NLRP13: variants seen among roughly 807,000 people sequenced by gnomAD.
NLRP13 encodes the protein NACHT, LRR and PYD domains-containing protein 13.
Under a neutral mutation model 94.4 loss-of-function variants are expected in NLRP13, and 82 were observed. That is an observed-to-expected ratio of 0.87 (90% CI 0.73 to 1.04). The LOEUF is 1.04. NLRP13 is among the 50% of genes least tolerant of loss of function. The pLI is 0.00. For synonymous variants in NLRP13, 553 were observed against 464.7 expected (o/e 1.19, Z -2.45); for missense variants, 1,426 against 1,230.8 (o/e 1.16, Z -2.37).
chr19:55,898,952 C>T lies in NLRP13; in HGVS notation c.2790-15G>A. 2 of 1,605,152 alleles carry T rather than the reference C, an allele frequency of 1.2e-6. No individual in the cohort carries two copies. The highest frequency in any genetic ancestry group is 1.7e-6 in the Non-Finnish European group (2 of 1,176,782). On this transcript the variant is annotated splice_polypyrimidine_tract_variant and intron_variant, in intron 9 of 10. Transcript: ENST00000342929. ...AACCTGACAAACTGCAAAATAAAAACATACAAAAGGGGGGAAAGTAATTGC... is the reference window on the plus strand; with the variant it reads ...AACCTGACAAACTGCAAAATAAAAATATACAAAAGGGGGGAAAGTAATTGC...
intron 7 of NLRP13, among the ~76,000 whole-genome samples, chr19:55,906,109 G>A (rs985076894): frequency 1.3e-5 from 2 of 152,084 alleles, no homozygotes; most frequent in Non-Finnish European, 2.9e-5. Context: ...AGGCCAAGGC[G>A]AGTGGATCAC....
chr19:55,911,319 C>T (rs1986502958), intron 5 of NLRP13, among the ~76,000 whole-genome samples: 1 of 152,138 alleles, frequency 6.6e-6, no homozygotes, highest in South Asian at 2.1e-4. Context: ...GCAACTTCTG[C>T]CTCCTTGGCT....
At position 55,932,151 on chromosome 19, in the gene NLRP13, C is replaced by T. The variant is rs779537140; in HGVS notation, c.161G>A (p.Arg54His). 1.5e-4 allele frequency: 245 copies of T among 1,614,026 alleles called. No individual in the cohort carries two copies. The highest frequency in any genetic ancestry group is 1.9e-4 in the Non-Finnish European group (224 of 1,180,028). Residue 54 changes from arginine to histidine, a missense_variant, in exon 1 of 11, where the codon CGT (arginine) becomes CAT (histidine). Coordinates refer to ENST00000342929, the MANE Select transcript of NLRP13 (RefSeq NM_176810.2). ...AGCTCTCAAGTTTGCCCAGGGGATA[C>T]GCGGGAAGTGCCCCTGGGGGGCCGA... ...FWSAPQGHFPRIPWANLRAAD... is the reference protein window; with the variant it reads ...FWSAPQGHFPHIPWANLRAAD...
At chr19:55,930,898 A>ATATATATATATAC in intron 1 of NLRP13, among the ~76,000 whole-genome samples, 1 of 104,898 alleles carries the variant, frequency 9.5e-6, no homozygotes, top group South Asian at 2.9e-4. Flanking sequence ...ATATATATAT[A>ATATATATATATAC]AAATTTTAAC....
chr19:55,913,245 G>A lies in NLRP13; in HGVS notation c.572C>T (p.Thr191Ile). 6.2e-7 allele frequency: 1 copy of A among 1,614,086 alleles called. No homozygotes were observed. ...RENMKAELLE[T>I]WDNISWPKDH... ...TTTAGGCCAACTGATGTTGTCCCAT[G>A]TCTCCAGTAGTTCAGCCTTCATGTT... Residue 191 changes from threonine to isoleucine, a missense_variant, in exon 5 of 11, where the codon ACA (threonine) becomes ATA (isoleucine). Coordinates refer to ENST00000342929, the MANE Select transcript of NLRP13 (RefSeq NM_176810.2).
chr19:55,913,331 A>G (rs181609778), intron 4 of NLRP13, 38 bp from the exon 5 acceptor site: 5 of 1,579,834 alleles, frequency 3.2e-6, no homozygotes, highest in Non-Finnish European at 2.6e-6. Flanking sequence ...TGGTAAGAAT[A>G]AATTTCAGAG....
chr19:55,923,235 A>T (rs770631294), intron 4 of NLRP13, among the ~76,000 whole-genome samples: 18 of 152,240 alleles, frequency 1.2e-4, no homozygotes, highest in Non-Finnish European at 2.5e-4. Flanking sequence ...CAGGAAAAAC[A>T]GAGAATCCCG....
At chr19:55,918,419 C>T (rs1349585488) in intron 4 of NLRP13, among the ~76,000 whole-genome samples, 1 of 151,536 alleles carries the variant, frequency 6.6e-6, no homozygotes, top group African/African-American at 2.4e-5. Flanking sequence ...AATAACAATA[C>T]AAAGAATCAG....
At chr19:55,931,719 A>AG (rs1199019446) in intron 1 of NLRP13, among the ~76,000 whole-genome samples, 3 of 132,150 alleles carry the variant, frequency 2.3e-5, no homozygotes, top group East Asian at 2.3e-4. Flanking sequence ...CAAAAAAAAA[A>AG]AAAAAAGAAA....
Position 55,911,799 on chromosome 19 carries a change from G to A in NLRP13, c.2018C>T (p.Ala673Val), listed in dbSNP as rs765902405. ...ACAGTGCTTTAGGCAAAATGAAGAA[G>A]CTTGGAGTTCTTCGTCCTCCAAAAT... ...LNILEDEELQ[A>V]SSFCLKHCKR... is the part of the protein sequence containing the mutation. Residue 673 changes from alanine to valine, a missense_variant, in exon 5 of 11, where the codon GCT becomes GTT. Transcript: ENST00000342929. The A allele has an allele frequency of 6.2e-7, 1 of 1,613,814 alleles. No homozygotes were observed.
intron 6 of NLRP13, among the ~76,000 whole-genome samples, chr19:55,909,540 G>GT (rs1555815127): frequency 7.5e-5 from 11 of 146,244 alleles, no homozygotes. Context: ...GGATCTCCAG[G>GT]AAAAAAAAAA....
intron 4 of NLRP13, among the ~76,000 whole-genome samples, chr19:55,915,772 T>G (rs1038043540): frequency 6.6e-6 from 1 of 151,956 alleles, no homozygotes; most frequent in Admixed American, 6.6e-5. Flanking sequence ...CCACCCAACT[T>G]CACTCCCACC....
chr19:55,914,249 G>A (rs1484499383), intron 4 of NLRP13, among the ~76,000 whole-genome samples: 3 of 152,156 alleles, frequency 2.0e-5, no homozygotes, highest in Admixed American at 6.5e-5. Context: ...ATTCTTAGAG[G>A]CCTTCTGGGG....
Position 55,911,769 on chromosome 19 carries a change from C to A in NLRP13, c.2048G>T (p.Arg683Met), listed in dbSNP as rs1461996464. The change falls in exon 5 of 11, where the codon AGG becomes ATG. Residue 683 changes from arginine (R) to methionine (M), a missense_variant. Coordinates refer to ENST00000342929, the MANE Select transcript of NLRP13 (RefSeq NM_176810.2). ...AACAGAAAGCCTTAGCTTATTTAAC[C>A]TTTTACAGTGCTTTAGGCAAAATGA... is the stretch of plus-strand genomic sequence containing the variant. Reference protein sequence around the residue: ...ASSFCLKHCKRLNKLRLSVSS... With the variant: ...ASSFCLKHCKMLNKLRLSVSS... 3.1e-6 allele frequency: 5 copies of A among 1,613,972 alleles called. No individual in the cohort carries two copies. The highest frequency in any genetic ancestry group is 1.7e-5 in the Admixed American group (1 of 59,990).
At chr19:55,925,970 G>A (rs555685277) in intron 1 of NLRP13, among the ~76,000 whole-genome samples, 17 of 152,092 alleles carry the variant, frequency 1.1e-4, no homozygotes, top group African/African-American at 3.6e-4. Flanking sequence ...TGAGCCCTAC[G>A]TCCACATATT....
chr19:55,910,314 T>G (rs1479035479), intron 6 of NLRP13, among the ~76,000 whole-genome samples: 1 of 152,226 alleles, frequency 6.6e-6, no homozygotes. Flanking sequence ...AAAACAGGAC[T>G]GAGGCCCTAG....
downstream of NLRP13, among the ~76,000 whole-genome samples, chr19:55,895,217 GAAAAGA>G (rs1985973652): frequency 7.1e-6 from 1 of 140,888 alleles, no homozygotes; most frequent in Admixed American, 7.2e-5. Flanking sequence ...AAAAAAGAAA[GAAAAGA>G]AAAAGAAAAT....
At position 55,902,281 on chromosome 19, in the gene NLRP13, G is replaced by T. The variant is rs78724278; in HGVS notation, c.2619-76C>A. On this transcript the variant is annotated intron_variant, in intron 8 of 10. Transcript: ENST00000342929. ...CAGGCTCCTGGAACAGAGCCTCAGG[G>T]CCCCCTCCGAGCCTACACATGCAGC... 18 of 1,266,188 alleles carry T rather than the reference G, an allele frequency of 1.4e-5. No homozygotes were observed. In the South Asian group the frequency reaches 2.1e-4, roughly 15 times the overall value. The allele number at this position is 1,266,188 out of a possible 1,614,324, so 78.4% of individuals were successfully genotyped here.
At chr19:55,919,543 A>T (rs896803466) in intron 4 of NLRP13, among the ~76,000 whole-genome samples, 31 of 152,108 alleles carry the variant, frequency 2.0e-4, no homozygotes, top group Admixed American at 2.0e-4. Flanking sequence ...CAATGTACAA[A>T]TATCAGTAGC....
Sources: allele counts gnomAD v4.1 joint callset (sites outside exome capture counted in the v4.1 genomes callset), GRCh38; gene constraint gnomAD v4.1.1; transcripts MANE v1.5; gene names NCBI Gene and HGNC (gene_info 2026-07-23, HGNC 2026-07-21).